The following ARID3B variants were observed in gnomAD, a reference collection of about 807,000 sequenced individuals.
ARID3B encodes the protein AT-rich interactive domain-containing protein 3B.
In ARID3B, 10 loss-of-function variants were observed where a neutral mutation model predicts 51.9. That is an observed-to-expected ratio of 0.19 (90% confidence interval 0.12 to 0.33). The LOEUF (loss-of-function observed/expected upper bound fraction) is 0.33, where lower values mean the gene tolerates loss of function less well. Among genes scored for constraint, ARID3B ranks in the 10% least tolerant of loss-of-function variants. The pLI is 1.00. For missense variants in ARID3B, 483 were observed against 716.3 expected, an observed-to-expected ratio of 0.67 and a Z score of 3.72; for synonymous variants, 205 against 279.5, an observed-to-expected ratio of 0.73 and a Z score of 2.66.
chr15:74,567,857 C>T (rs1419738719), intron 2 of ARID3B, among the ~76,000 whole-genome samples: 1 of 152,172 alleles, frequency 6.6e-6, no homozygotes, highest in Admixed American at 6.5e-5. Flanking sequence ...CCCCTGTGTG[C>T]TGTTGAAATG....
At chr15:74,561,830 G>A (rs898415085) in intron 2 of ARID3B, among the ~76,000 whole-genome samples, 51 of 152,272 alleles carry the variant, frequency 3.3e-4, no homozygotes, top group Middle Eastern at 3.4e-3. Flanking sequence ...TGCACACTCA[G>A]TAGAAACTAC....
rs71137394 is a variant in ARID3B, at chr15:74,560,031, T to TAAAAAAA, written c.553-12827_553-12821dup. On this transcript the variant is annotated intron_variant, in intron 2 of 8. Transcript: ENST00000346246. ...CAACATGGCGAAACCCTGTCTCTAC[T>TAAAAAAA]AAAAAAAAAACCACACACACAAAAA... Among the ~76,000 whole-genome samples, 14 of 35,628 alleles carry TAAAAAAA rather than the reference T, an allele frequency of 3.9e-4. 1 individual carries two copies. The highest frequency in any genetic ancestry group is 1.7e-3 in the South Asian group (1 of 592). The allele number at this position is 35,628 out of a possible 152,430, so 23.4% of individuals were successfully genotyped here.
rs74624712 is a variant in ARID3B at position 74,543,233 on chromosome 15, A to G, written c.-77-627A>G. 7.3e-4 allele frequency among the ~76,000 whole-genome samples: 111 copies of G among 152,290 alleles called. 1 individual carries two copies. The highest frequency in any genetic ancestry group is 2.5e-3 in the African/African-American group (105 of 41,558). ...TTTGAGGCTATAATGTCCAGTTAGT[A>G]TGGCTCAGTCCACTCAACAAGCAGG... On this transcript the variant is annotated intron_variant, in intron 1 of 8. Transcript: ENST00000346246.
intron 2 of ARID3B, among the ~76,000 whole-genome samples, chr15:74,545,645 G>T (rs2061613016): frequency 6.6e-6 from 1 of 152,218 alleles, no homozygotes; most frequent in Non-Finnish European, 1.5e-5. Context: ...CACTTCTTGT[G>T]ATCCAGTGGT....
At chr15:74,547,187 C>G (rs1268028365) in intron 2 of ARID3B, among the ~76,000 whole-genome samples, 3 of 149,650 alleles carry the variant, frequency 2.0e-5, no homozygotes, top group Non-Finnish European at 4.4e-5. Flanking sequence ...CGACACAGAG[C>G]GCACTCTGTT....
intron 4 of ARID3B, among the ~76,000 whole-genome samples, chr15:74,585,714 G>A (rs1479786734): frequency 6.6e-6 from 1 of 152,168 alleles, no homozygotes; most frequent in East Asian, 1.9e-4. Context: ...ATTGGTTCTT[G>A]TTCAGCAGGT....
intron 2 of ARID3B, among the ~76,000 whole-genome samples, chr15:74,545,508 T>TTC (rs1333192972): frequency 6.6e-6 from 1 of 152,214 alleles, no homozygotes; most frequent in African/African-American, 2.4e-5. Flanking sequence ...ACCAAGCCTC[T>TTC]TCTCTTTGTG....
At chr15:74,590,032 G>A (rs1021885782) in intron 5 of ARID3B, 29 bp downstream of exon 5, 3 of 1,566,672 alleles carry the variant, frequency 1.9e-6, no homozygotes, top group Non-Finnish European at 8.7e-7. Context: ...GGAGAAGGAA[G>A]CTGAGGCTGG....
chr15:74,565,584 A>G (rs541034979), intron 2 of ARID3B, among the ~76,000 whole-genome samples: 13 of 152,310 alleles, frequency 8.5e-5, no homozygotes, highest in Admixed American at 8.5e-4. Context: ...CTTTAATAAG[A>G]TATTCCAGGT....
intron 2 of ARID3B, among the ~76,000 whole-genome samples, chr15:74,570,461 G>GAA (rs2061714986): frequency 2.8e-4 from 4 of 14,200 alleles, no homozygotes; most frequent in Admixed American, 8.2e-4. Context: ...ACTATAATTA[G>GAA]CAAAAAAAAA....
At chr15:74,559,073 T>G (rs985187758) in intron 2 of ARID3B, among the ~76,000 whole-genome samples, 6 of 152,080 alleles carry the variant, frequency 3.9e-5, no homozygotes, top group Non-Finnish European at 8.8e-5. Flanking sequence ...CTTTATGCAG[T>G]TGTTTCTGTT....
chr15:74,558,579 GA>G (rs1009022142), intron 2 of ARID3B, among the ~76,000 whole-genome samples: 1 of 151,900 alleles, frequency 6.6e-6, no homozygotes, highest in African/African-American at 2.4e-5. Context: ...GAATAGTAAT[GA>G]ACCATCTGTG....
intron 2 of ARID3B, among the ~76,000 whole-genome samples, chr15:74,572,304 A>G (rs1393528171): frequency 6.6e-6 from 1 of 152,222 alleles, no homozygotes; most frequent in Non-Finnish European, 1.5e-5. Flanking sequence ...CCTTGGAAAC[A>G]ATCTCAGGCC....
chr15:74,559,860 GC>G (rs2061672516), intron 2 of ARID3B, among the ~76,000 whole-genome samples: 1 of 151,268 alleles, frequency 6.6e-6, no homozygotes, highest in African/African-American at 2.4e-5. Context: ...TGTTGTACTT[GC>G]GTTTTGAAGA....
In ARID3B at chr15:74,591,118, G is replaced by A; in HGVS notation, c.882-33G>A. ...CTGGGTGGTCTCTGGTGCTGTTTTG[G>A]ATTATTCTCCCTGCTTGCTTCCTTT... On this transcript the variant is annotated intron_variant, in intron 5 of 8. Transcript: ENST00000346246. This position sits in a 1 kb window ranked among gnomAD's most constrained non-coding sequence, Gnocchi z 5.8. The A allele has an allele frequency of 1.3e-6, 2 of 1,560,828 alleles. No homozygotes were observed. The highest frequency in any genetic ancestry group is 1.2e-5 in the South Asian group (1 of 82,872).
At chr15:74,574,582 A>G (rs1403939752) in intron 4 of ARID3B, 1 of 152,154 alleles carries the variant, frequency 6.6e-6, no homozygotes, top group Non-Finnish European at 1.5e-5. Flanking sequence ...TGGTTTGCGT[A>G]AAAAAGGCAA....
chr15:74,575,584 C>T (rs1024465587), intron 4 of ARID3B, among the ~76,000 whole-genome samples: 3 of 152,192 alleles, frequency 2.0e-5, no homozygotes, highest in Admixed American at 2.0e-4. Flanking sequence ...AGAGAACAGT[C>T]TTTGCTGCAT....
intron 7 of ARID3B, among the ~76,000 whole-genome samples, chr15:74,592,326 G>A (rs1387039060): frequency 1.3e-5 from 2 of 152,134 alleles, no homozygotes; most frequent in East Asian, 3.9e-4. Context: ...CATTGTTCTG[G>A]TGCCCCACAT....
intron 2 of ARID3B, among the ~76,000 whole-genome samples, chr15:74,560,168 G>A (rs1363401349): frequency 6.6e-6 from 1 of 150,656 alleles, no homozygotes; most frequent in Non-Finnish European, 1.5e-5. Context: ...TTGCACCACT[G>A]CACTCCAGCC....
Sources: allele counts gnomAD v4.1 joint callset (sites outside exome capture counted in the v4.1 genomes callset), GRCh38; gene constraint gnomAD v4.1.1; non-coding constraint Gnocchi (gnomAD v3.1); transcripts MANE v1.5; gene names NCBI Gene and HGNC (gene_info 2026-07-23, HGNC 2026-07-21).